Variants in APOBEC1 observed in about 807,000 individuals in gnomAD.
APOBEC1 encodes C->U-editing enzyme APOBEC-1.
Under a neutral mutation model 26.3 loss-of-function variants are expected in APOBEC1, and 22 were observed. That is an observed-to-expected ratio of 0.84 (90% CI 0.60 to 1.19). APOBEC1 has a LOEUF of 1.19. APOBEC1 is among the 50% of genes most tolerant of loss of function. The pLI is 0.00. For missense variants in APOBEC1, 253 were observed against 289.0 expected, an observed-to-expected ratio of 0.88 and a Z score of 0.90; for synonymous variants, 77 against 95.3, an observed-to-expected ratio of 0.81 and a Z score of 1.12.
intron 1 of APOBEC1, among the ~76,000 whole-genome samples, chr12:7,656,007 T>C (rs1042853776): frequency 3.9e-5 from 6 of 152,108 alleles, no homozygotes; most frequent in Non-Finnish European, 5.9e-5. Context: ...ATTTCATTTG[T>C]TATTTTTTTT....
intron 1 of APOBEC1, among the ~76,000 whole-genome samples, chr12:7,658,851 GC>G (rs1863753940): frequency 6.6e-6 from 1 of 151,146 alleles, no homozygotes; most frequent in Admixed American, 6.6e-5. Context: ...TACTTGGGAG[GC>G]CGAGGCACAA....
upstream of APOBEC1, among the ~76,000 whole-genome samples, chr12:7,668,727 T>C (rs1863921467): frequency 6.6e-6 from 1 of 151,462 alleles, no homozygotes; most frequent in Non-Finnish European, 1.5e-5. Context: ...AAAAGTTCTT[T>C]TGTTTTTTTG....
rs370728062 is a variant in APOBEC1 at position 7,651,069 on chromosome 12, G to C, written c.515C>G (p.Pro172Arg). 9 of 1,614,008 alleles carry C rather than the reference G, an allele frequency of 5.6e-6. No homozygotes were observed. Among genetic ancestry groups the C allele is most frequent in the Non-Finnish European group, 6.8e-6 (8 of 1,179,992 alleles). The change falls in exon 4 of 5, where the codon CCT (proline) becomes CGT (arginine). Residue 172 changes from proline to arginine, a missense_variant. Transcript: ENST00000229304. Reference protein sequence around the residue: ...GDEAHWPQYPPLWMMLYALEL... With the variant: ...GDEAHWPQYPRLWMMLYALEL... ...CAGTGCGTACAACATCATCCACAGAGGTGGGTATTGTGGCCAGTGAGCTTC... is the reference window on the plus strand; with the variant it reads ...CAGTGCGTACAACATCATCCACAGACGTGGGTATTGTGGCCAGTGAGCTTC...
At chr12:7,669,395 G>A (rs962843898), upstream of APOBEC1, among the ~76,000 whole-genome samples, 9 of 151,968 alleles carry the variant, frequency 5.9e-5, no homozygotes, top group Admixed American at 2.0e-4. Flanking sequence ...TTCTTCTGTC[G>A]ATGTGATGTA....
At chr12:7,653,472 T>G (rs1048754176) in intron 2 of APOBEC1, among the ~76,000 whole-genome samples, 2 of 148,816 alleles carry the variant, frequency 1.3e-5, no homozygotes, top group Non-Finnish European at 3.0e-5. Flanking sequence ...TAAATTTTCC[T>G]TCATTATATT....
chr12:7,660,368 G>A (rs1565442343), intron 1 of APOBEC1, among the ~76,000 whole-genome samples: 22 of 97,236 alleles, frequency 2.3e-4, no homozygotes, highest in African/African-American at 5.4e-4. Context: ...AGGAAGGAAG[G>A]AAGGAAGGAA....
upstream of APOBEC1, among the ~76,000 whole-genome samples, chr12:7,668,888 T>C (rs757456193): frequency 4.4e-4 from 67 of 152,272 alleles, no homozygotes; most frequent in African/African-American, 1.4e-3. Context: ...TGCACTACCA[T>C]GCCCAGCTAA....
intron 1 of APOBEC1, among the ~76,000 whole-genome samples, chr12:7,664,590 C>G (rs948741334): frequency 1.3e-5 from 2 of 152,154 alleles, no homozygotes; most frequent in Non-Finnish European, 2.9e-5. Context: ...ATTCAATCAA[C>G]CTGGAATCTC....
At chr12:7,667,375 T>TA (rs1421106256), upstream of APOBEC1, among the ~76,000 whole-genome samples, 3 of 152,132 alleles carry the variant, frequency 2.0e-5, no homozygotes, top group African/African-American at 7.2e-5. Flanking sequence ...AGTCTCCCTC[T>TA]AGTGTCTCAA....
At chr12:7,654,856 G>T (rs1221196152) in intron 1 of APOBEC1, among the ~76,000 whole-genome samples, 2 of 152,114 alleles carry the variant, frequency 1.3e-5, no homozygotes, top group Non-Finnish European at 2.9e-5. Context: ...CCCAAACAAG[G>T]TAGTCTGCCT....
At chr12:7,668,278 T>A (rs1342428953), upstream of APOBEC1, among the ~76,000 whole-genome samples, 1 of 152,182 alleles carries the variant, frequency 6.6e-6, no homozygotes, top group Admixed American at 6.5e-5. Context: ...GCTACCCTGA[T>A]GACACCTTGA....
At chr12:7,663,438 G>C (rs1182665639) in intron 1 of APOBEC1, among the ~76,000 whole-genome samples, 1 of 152,150 alleles carries the variant, frequency 6.6e-6, no homozygotes, top group Non-Finnish European at 1.5e-5. Flanking sequence ...ACTTTTAAAG[G>C]AGGAATGGGG....
chr12:7,658,014 C>T (rs149281343), intron 1 of APOBEC1, among the ~76,000 whole-genome samples: 139 of 152,098 alleles, frequency 9.1e-4, no homozygotes, highest in Admixed American at 2.0e-3. Flanking sequence ...TTCCAATTTC[C>T]GAAATAGAAT....
At chr12:7,650,497 C>A (rs113584767) in intron 4 of APOBEC1, among the ~76,000 whole-genome samples, 1 of 152,154 alleles carries the variant, frequency 6.6e-6, no homozygotes, top group Non-Finnish European at 1.5e-5. Context: ...TATCTTAGAT[C>A]GGTTTACCCA....
intron 2 of APOBEC1, among the ~76,000 whole-genome samples, chr12:7,653,684 C>G (rs994689136): frequency 6.6e-6 from 1 of 152,042 alleles, no homozygotes; most frequent in African/African-American, 2.4e-5. Context: ...CTTATCTTTT[C>G]TATTCCTCAA....
upstream of APOBEC1, among the ~76,000 whole-genome samples, chr12:7,667,581 A>G (rs1222018433): frequency 3.3e-5 from 5 of 152,172 alleles, no homozygotes; most frequent in Non-Finnish European, 5.9e-5. Context: ...TCAGAGACCA[A>G]GTTTTTCTAA....
Position 7,652,746 on chromosome 12 carries a change from C to A in APOBEC1, c.134G>T (p.Gly45Val). ...EACLLYEIKW[G>V]MSRKIWRSSG... is the part of the protein sequence containing the mutation. ...GCTTCGCCAGATCTTCCGGCTCATG[C>A]CCCACTTGATTTCGTAGAGCAGACA... Residue 45 changes from glycine (G) to valine (V), a missense_variant, in exon 3 of 5, where the codon GGC becomes GTC. Coordinates refer to ENST00000229304, the MANE Select transcript of APOBEC1 (RefSeq NM_001644.5). 1 of 1,614,028 alleles carries A rather than the reference C, an allele frequency of 6.2e-7. No homozygotes were observed. Among genetic ancestry groups the A allele is most frequent in the Middle Eastern group, 1.6e-4 (1 of 6,062 alleles).
intron 1 of APOBEC1, among the ~76,000 whole-genome samples, chr12:7,665,467 T>G (rs1863879642): frequency 6.6e-6 from 1 of 151,850 alleles, no homozygotes; most frequent in Non-Finnish European, 1.5e-5. Flanking sequence ...CTGGCTAATT[T>G]TTGTATTTTT....
upstream of APOBEC1, among the ~76,000 whole-genome samples, chr12:7,670,374 T>C (rs1329170992): frequency 1.4e-5 from 2 of 142,290 alleles, 1 homozygote; most frequent in Non-Finnish European, 3.1e-5. Flanking sequence ...CATATCTGTA[T>C]ACAAATGCTC....
Sources: allele counts gnomAD v4.1 joint callset (sites outside exome capture counted in the v4.1 genomes callset), GRCh38; gene constraint gnomAD v4.1.1; transcripts MANE v1.5; gene names NCBI Gene and HGNC (gene_info 2026-07-23, HGNC 2026-07-21).